Variants in FAM135B observed in about 807,000 individuals in gnomAD.
FAM135B encodes protein FAM135B.
In FAM135B, 43 loss-of-function variants were observed where a neutral mutation model predicts 127.7. That is an observed-to-expected ratio of 0.34 (90% CI 0.26 to 0.43). The LOEUF is 0.43. Among genes scored for constraint, FAM135B ranks in the 20% least tolerant of loss-of-function variants. The pLI is 1.00. For missense variants in FAM135B, 1,558 were observed against 1,725.6 expected (o/e 0.90, Z 1.72); for synonymous variants, 670 against 665.1 (o/e 1.01, Z -0.11).
intron 1 of FAM135B, among the ~76,000 whole-genome samples, chr8:138,398,610 G>A (rs1832974074): frequency 6.6e-6 from 1 of 152,178 alleles, no homozygotes; most frequent in East Asian, 1.9e-4. Context: ...TGGAAAGAAT[G>A]CAGACATTAG....
At chr8:138,274,372 G>A (rs1410305626) in intron 3 of FAM135B, among the ~76,000 whole-genome samples, 1 of 152,164 alleles carries the variant, frequency 6.6e-6, no homozygotes, top group African/African-American at 2.4e-5. Flanking sequence ...TTTCAAAAGG[G>A]GAGGGAATGT....
chr8:138,135,200 T>C (rs1342537270), intron 19 of FAM135B, among the ~76,000 whole-genome samples: 1 of 152,194 alleles, frequency 6.6e-6, no homozygotes, highest in Non-Finnish European at 1.5e-5. Flanking sequence ...TGTTGAACTC[T>C]GTTCTTAAGG....
intron 12 of FAM135B, among the ~76,000 whole-genome samples, chr8:138,163,653 C>T (rs142393823): frequency 1.1e-3 from 163 of 152,276 alleles, no homozygotes; most frequent in African/African-American, 3.7e-3. Context: ...CACCTTCCAC[C>T]GTGTGATGCC....
chr8:138,221,180 G>A (rs1818997074), intron 7 of FAM135B, among the ~76,000 whole-genome samples: 1 of 152,192 alleles, frequency 6.6e-6, no homozygotes, highest in African/African-American at 2.4e-5. Context: ...TGGTTCTGCA[G>A]GCTGCCCAGG....
At chr8:138,349,099 G>A (rs901690286) in intron 2 of FAM135B, among the ~76,000 whole-genome samples, 2 of 152,224 alleles carry the variant, frequency 1.3e-5, no homozygotes, top group Admixed American at 1.3e-4. Flanking sequence ...GACTTTCGTG[G>A]TCTTAGCACT....
At chr8:138,338,629 T>C (rs1402623400) in intron 2 of FAM135B, among the ~76,000 whole-genome samples, 3 of 150,608 alleles carry the variant, frequency 2.0e-5, no homozygotes, top group Non-Finnish European at 3.0e-5. Flanking sequence ...GGAGAGGATG[T>C]GGAGAAATAG....
At chr8:138,426,000 T>TATATATACATAC (rs1563992356) in intron 1 of FAM135B, among the ~76,000 whole-genome samples, 3 of 14,512 alleles carry the variant, frequency 2.1e-4, no homozygotes, top group African/African-American at 1.9e-3. Flanking sequence ...TATATATATA[T>TATATATACATAC]ATATATATAT....
intron 5 of FAM135B, among the ~76,000 whole-genome samples, chr8:138,254,535 T>C (rs565973168): frequency 1.3e-5 from 2 of 152,124 alleles, no homozygotes; most frequent in South Asian, 4.1e-4. Flanking sequence ...TAGGGGAAAA[T>C]AGGAGCACAA....
intron 9 of FAM135B, among the ~76,000 whole-genome samples, chr8:138,186,114 GC>G (rs1815544904): frequency 6.6e-6 from 1 of 152,114 alleles, no homozygotes; most frequent in Admixed American, 6.5e-5. Context: ...CAGGCTCCAT[GC>G]CGGCCTCCCC....
chr8:138,393,161 C>A (rs1213496841), intron 1 of FAM135B, among the ~76,000 whole-genome samples: 3 of 152,064 alleles, frequency 2.0e-5, no homozygotes, highest in Non-Finnish European at 4.4e-5. Flanking sequence ...AAAGACCTGC[C>A]CCCATGAATC....
intron 1 of FAM135B, among the ~76,000 whole-genome samples, chr8:138,423,166 CTA>C (rs1834621920): frequency 6.6e-6 from 1 of 152,110 alleles, no homozygotes; most frequent in African/African-American, 2.4e-5. Context: ...CTTTTGAGTA[CTA>C]TGCTCAGTAT....
At chr8:138,456,891 G>T (rs760220068) in intron 1 of FAM135B, among the ~76,000 whole-genome samples, 6 of 152,018 alleles carry the variant, frequency 3.9e-5, no homozygotes, top group Admixed American at 3.3e-4. Flanking sequence ...TCCTTTCCTG[G>T]AGTCATACCC....
intron 2 of FAM135B, among the ~76,000 whole-genome samples, chr8:138,326,291 C>T (rs905015764): frequency 7.2e-5 from 11 of 152,180 alleles, no homozygotes; most frequent in African/African-American, 1.2e-4. Context: ...GCAGGTAAAA[C>T]GAAAGTTCCT....
rs1818191579 is a variant in FAM135B, at chr8:138,151,897, G to A, written c.2578C>T (p.His860Tyr). ...GKGKQFDAQGHCLPDGRTENT... is the reference protein window; with the variant it reads ...GKGKQFDAQGYCLPDGRTENT... ...TCAGTCCTGCCATCAGGAAGACAGT[G>A]TCCTTGAGCATCAAACTGCTTCCCT... The change falls in exon 13 of 20, where the codon CAC (histidine) becomes TAC (tyrosine). Residue 860 changes from histidine to tyrosine, a missense_variant. His to Tyr is a moderately conservative substitution (Grantham distance 83). Coordinates refer to ENST00000395297, the MANE Select transcript of FAM135B (RefSeq NM_015912.4). The A allele has an allele frequency of 6.2e-7, 1 of 1,613,894 alleles. No homozygotes were observed. The highest frequency in any genetic ancestry group is 8.5e-7 in the Non-Finnish European group (1 of 1,179,900).
At position 138,138,985 on chromosome 8, in the gene FAM135B, C is replaced by A; in HGVS notation, c.3901+1G>T. The A allele has an allele frequency of 6.3e-7, 1 of 1,596,496 alleles. No individual in the cohort carries two copies. Among genetic ancestry groups the A allele is most frequent in the Non-Finnish European group, 8.6e-7 (1 of 1,163,996 alleles). ...CTGCAGCTGTGGGGGAAACCACTGA[C>A]CTGTTTTTTGGCTTAGTTGGTAGAG... is the stretch of plus-strand genomic sequence containing the variant. On this transcript the variant is annotated splice_donor_variant, in intron 18 of 19. Transcript: ENST00000395297. LOFTEE classifies it high-confidence loss of function.
In FAM135B at chr8:138,310,826, C is replaced by T. The variant is rs2130892373; in HGVS notation, c.157+15G>A. ...CCATTGGGGGCAAGTGCCCCATTGC[C>T]ATTCTTCTGCTCACCTGTCTGCCCA... is the stretch of plus-strand genomic sequence containing the variant. On this transcript the variant is annotated intron_variant, in intron 3 of 19. Transcript: ENST00000395297. 6.2e-7 allele frequency: 1 copy of T among 1,612,170 alleles called. No homozygotes were observed. Among genetic ancestry groups the T allele is most frequent in the Non-Finnish European group, 8.5e-7 (1 of 1,179,496 alleles).
rs367852882 is a variant in FAM135B at position 138,367,945 on chromosome 8, C to T, written c.39G>A (p.Glu13=). The change falls in exon 2 of 20, where the codon GAG becomes GAA. Residue 13 remains glutamate (E), a synonymous_variant. Transcript: ENST00000395297. ...GATCCACATTATAAAATTTATGTAG[C>T]TCTACCGAAAACTCAACCGTTCCTT... is the stretch of plus-strand genomic sequence containing the variant. ...EIQGTVEFSV[E]LHKFYNVDLF... The T allele has an allele frequency of 5.0e-6, 8 of 1,613,732 alleles. No homozygotes were observed. The African/African-American group carries it at 9.3e-5, about 19-fold the overall frequency.
intron 1 of FAM135B, among the ~76,000 whole-genome samples, chr8:138,430,312 G>A (rs1002341222): frequency 2.1e-4 from 32 of 152,128 alleles, no homozygotes; most frequent in African/African-American, 7.0e-4. Flanking sequence ...TGCTTCTTCC[G>A]AAGCTCAGAA....
chr8:138,446,347 G>A (rs375275395), intron 1 of FAM135B, among the ~76,000 whole-genome samples: 2 of 152,220 alleles, frequency 1.3e-5, no homozygotes, highest in Non-Finnish European at 2.9e-5. Context: ...GCATTGCCAA[G>A]TCAATCCTAA....
Sources: allele counts gnomAD v4.1 joint callset (sites outside exome capture counted in the v4.1 genomes callset), GRCh38; gene constraint gnomAD v4.1.1; transcripts MANE v1.5; gene names NCBI Gene and HGNC (gene_info 2026-07-23, HGNC 2026-07-21).